RHOU: variants seen among roughly 807,000 people sequenced by gnomAD.
RHOU encodes the protein ras homolog family member U, also known as rho-related GTP-binding protein RhoU.
A neutral mutation model predicts 12.6 loss-of-function variants in RHOU; 8 were observed. The ratio of observed to expected loss-of-function variants is 0.64; its 90% CI spans 0.37 to 1.15. The LOEUF is 1.15. Ranked by LOEUF, RHOU falls within the 50% of genes most tolerant of loss-of-function variation. The probability of loss-of-function intolerance (pLI) is 0.01; values close to 1 mark genes in which losing one functional copy is unlikely to be tolerated. For missense variants in RHOU, 258 were observed against 347.0 expected, an observed-to-expected ratio of 0.74 and a Z score of 2.04; for synonymous variants, 161 against 147.4, an observed-to-expected ratio of 1.09 and a Z score of -0.67.
At chr1:228,672,054 A>C in the RHOU span, among the ~76,000 whole-genome samples, 2 of 152,280 alleles carry the variant, frequency 1.3e-5, no homozygotes, top group African/African-American at 4.8e-5. Context: ...AGAGTTCCTG[A>C]AACTTAAGTG....
rs922318180 is a variant in RHOU at position 228,735,675 on chromosome 1, T to A, written c.-68T>A. ...TGACAGCTCCTCCCTACCGCAACCC[T>A]CCGGGGCGGAGGGGCGGTCGGGCCG... On this transcript the variant is annotated 5_prime_UTR_variant, in exon 1 of 3. Coordinates refer to ENST00000366691, the MANE Select transcript of RHOU (RefSeq NM_021205.6). The surrounding 1 kb of genome is among the most constrained non-coding windows in gnomAD (Gnocchi z 8.1). 1 of 1,155,542 alleles carries A rather than the reference T, an allele frequency of 8.7e-7. No homozygotes were observed. The highest frequency in any genetic ancestry group is 1.6e-5 in the African/African-American group (1 of 61,288). 71.6% of individuals were successfully genotyped at this position (1,155,542 alleles called of 1,614,324 possible). A position where few individuals can be genotyped will look rare whatever the true frequency, so the allele number is the denominator to read the frequency against.
At chr1:228,698,286 C>T in the RHOU span, among the ~76,000 whole-genome samples, 1 of 152,032 alleles carries the variant, frequency 6.6e-6, no homozygotes, top group African/African-American at 2.4e-5. Flanking sequence ...AGCCAAGATC[C>T]CCATAAACAA....
At chr1:228,704,743 C>T in the RHOU span, among the ~76,000 whole-genome samples, 1 of 152,012 alleles carries the variant, frequency 6.6e-6, no homozygotes, top group African/African-American at 2.4e-5. Context: ...CAGGGGTCAG[C>T]CACTGTTTCT....
the RHOU span, chr1:228,650,296 G>T: frequency 2.2e-6 from 1 of 464,712 alleles, no homozygotes. Flanking sequence ...CCGCAAGGAG[G>T]CAGCGGCGGG....
At chr1:228,704,325 C>T in the RHOU span, among the ~76,000 whole-genome samples, 3 of 152,132 alleles carry the variant, frequency 2.0e-5, no homozygotes, top group Non-Finnish European at 2.9e-5. Context: ...GTCATGGTCA[C>T]GCGCTTAATC....
chr1:228,735,904 G>T lies in RHOU; in HGVS notation c.162G>T (p.Leu54=), dbSNP rs1662595841. ...AGGGGCGCGGCGTCAAGTGCGTGCT[G>T]GTCGGCGACGGCGCGGTGGGCAAGA... The part of the protein sequence containing the change: ...GAEGRGVKCV[L]VGDGAVGKTS... Residue 54 remains leucine, a synonymous_variant, in exon 1 of 3, where the codon CTG becomes CTT. Coordinates refer to ENST00000366691, the MANE Select transcript of RHOU (RefSeq NM_021205.6). This position sits in a 1 kb window ranked among gnomAD's most constrained non-coding sequence, Gnocchi z 8.1. The T allele has an allele frequency of 6.4e-7, 1 of 1,561,630 alleles. No individual in the cohort carries two copies. Among genetic ancestry groups the T allele is most frequent in the Non-Finnish European group, 8.6e-7 (1 of 1,159,730 alleles).
At chr1:228,673,215 G>A in the RHOU span, among the ~76,000 whole-genome samples, 13 of 152,090 alleles carry the variant, frequency 8.5e-5, no homozygotes, top group African/African-American at 2.7e-4. Flanking sequence ...TTTTCTTCAC[G>A]GGACACCACT....
chr1:228,691,083 T>C, the RHOU span, among the ~76,000 whole-genome samples: 1 of 123,604 alleles, frequency 8.1e-6, no homozygotes, highest in Non-Finnish European at 1.7e-5. Context: ...ATTCAGCTTA[T>C]AATTTTTTTT....
chr1:228,687,640 C>T, the RHOU span: 3 of 1,555,768 alleles, frequency 1.9e-6, no homozygotes, highest in South Asian at 3.3e-5. Flanking sequence ...CACAAACTGG[C>T]CACTGACAAA....
the RHOU span, among the ~76,000 whole-genome samples, chr1:228,647,179 G>C: frequency 6.6e-6 from 1 of 152,218 alleles, no homozygotes; most frequent in South Asian, 2.1e-4. Flanking sequence ...CGGCCCGTGC[G>C]AGAGGACCAA....
At chr1:228,671,107 T>A in the RHOU span, among the ~76,000 whole-genome samples, 1 of 152,062 alleles carries the variant, frequency 6.6e-6, no homozygotes, top group East Asian at 1.9e-4. Context: ...CGGGTTCAAG[T>A]GATTCTCCTT....
the RHOU span, among the ~76,000 whole-genome samples, chr1:228,693,204 G>T: frequency 6.6e-6 from 1 of 152,328 alleles, no homozygotes; most frequent in African/African-American, 2.4e-5. Context: ...ACAAGGCAAG[G>T]TGTTTTTTAT....
At chr1:228,719,913 C>T in the RHOU span, among the ~76,000 whole-genome samples, 32 of 152,260 alleles carry the variant, frequency 2.1e-4, no homozygotes, top group South Asian at 8.3e-4. Flanking sequence ...TCATTGCTCC[C>T]AAGCAGACCT....
At chr1:228,668,547 C>A in the RHOU span, among the ~76,000 whole-genome samples, 4 of 152,132 alleles carry the variant, frequency 2.6e-5, no homozygotes, top group African/African-American at 4.8e-5. Flanking sequence ...TGAGGGCAAA[C>A]CACCACACAC....
chr1:228,688,157 A>G, the RHOU span, among the ~76,000 whole-genome samples: 1 of 152,194 alleles, frequency 6.6e-6, no homozygotes, highest in African/African-American at 2.4e-5. Context: ...TGCTCCATGA[A>G]GATGAGCTAT....
At chr1:228,730,295 G>A in the RHOU span, among the ~76,000 whole-genome samples, 2 of 152,194 alleles carry the variant, frequency 1.3e-5, no homozygotes, top group African/African-American at 4.8e-5. Flanking sequence ...AGTAAGTTAT[G>A]CAGATATGGC....
the RHOU span, among the ~76,000 whole-genome samples, chr1:228,656,183 T>G: frequency 1.3e-5 from 2 of 152,188 alleles, no homozygotes; most frequent in Non-Finnish European, 2.9e-5. Flanking sequence ...TTGTTTTGTT[T>G]GGCTCTGTTG....
At chr1:228,660,007 A>G in the RHOU span, among the ~76,000 whole-genome samples, 3 of 151,524 alleles carry the variant, frequency 2.0e-5, no homozygotes, top group Non-Finnish European at 4.4e-5. Flanking sequence ...AAGAAAAATC[A>G]GCCCATCTTG....
the RHOU span, among the ~76,000 whole-genome samples, chr1:228,676,137 C>CA: frequency 6.6e-6 from 1 of 150,712 alleles, no homozygotes; most frequent in African/African-American, 2.5e-5. Context: ...AACCGCCCCC[C>CA]CCCTTTTTTT....
Sources: gnomAD v4.1 joint callset for allele counts (sites outside exome capture counted in the v4.1 genomes callset) on GRCh38, gnomAD v4.1.1 for gene constraint, Gnocchi (gnomAD v3.1) non-coding constraint, MANE v1.5 for transcripts, NCBI Gene and HGNC (gene_info 2026-07-23, HGNC 2026-07-21) for gene names.